Variants in AFTPH observed in about 807,000 individuals in gnomAD.
AFTPH encodes aftiphilin, also known as aftiphilin protein.
A neutral mutation model predicts 72.5 loss-of-function variants in AFTPH; 7 were observed. The ratio of observed to expected loss-of-function variants is 0.10; its 90% CI spans 0.05 to 0.18. The LOEUF (loss-of-function observed/expected upper bound fraction) is 0.18, where lower values mean the gene tolerates loss of function less well. Among genes scored for constraint, AFTPH ranks in the 10% least tolerant of loss-of-function variants. AFTPH has a pLI of 1.00. For missense variants in AFTPH, 979 were observed against 1,060.5 expected (o/e 0.92, Z 1.07); for synonymous variants, 337 against 370.1 (o/e 0.91, Z 1.03).
At chr2:64,586,822 A>G (rs1424655418) in intron 8 of AFTPH, among the ~76,000 whole-genome samples, 1 of 152,178 alleles carries the variant, frequency 6.6e-6, no homozygotes, top group Non-Finnish European at 1.5e-5. Flanking sequence ...CACTTCTTCA[A>G]ATCGAAACTC....
At chr2:64,552,405 A>G (rs765244594) in exon 2 of AFTPH, 3 of 1,614,016 alleles carry the variant, frequency 1.9e-6, no homozygotes, top group Non-Finnish European at 2.5e-6. Flanking sequence ...CAGAGGTTTC[A>G]GTGTTGAAAA....
intron 6 of AFTPH, among the ~76,000 whole-genome samples, chr2:64,578,443 A>AAAGAAAAGAAAAAAACAACCAACAT (rs1672958794): frequency 6.6e-6 from 1 of 152,220 alleles, no homozygotes. Flanking sequence ...TATTCTTAAA[A>AAAGAAAAGAAAAAAACAACCAACAT]TGAAGTGTGA....
intron 8 of AFTPH, among the ~76,000 whole-genome samples, chr2:64,586,998 C>G (rs1044936596): frequency 6.6e-6 from 1 of 152,198 alleles, no homozygotes; most frequent in East Asian, 1.9e-4. Flanking sequence ...TTTGTTTCCC[C>G]TGCAGTCTCA....
At chr2:64,564,438 G>A (rs1222765022) in intron 2 of AFTPH, among the ~76,000 whole-genome samples, 1 of 151,926 alleles carries the variant, frequency 6.6e-6, no homozygotes, top group African/African-American at 2.4e-5. Flanking sequence ...GATAGACCCT[G>A]ATATCTCCAG....
At chr2:64,590,749 G>A (rs1008465619) in intron 8 of AFTPH, among the ~76,000 whole-genome samples, 2 of 152,144 alleles carry the variant, frequency 1.3e-5, no homozygotes. Flanking sequence ...CCTAAAAGTC[G>A]TTGGATTTTT....
At chr2:64,532,731 G>GA (rs1209857476) in intron 1 of AFTPH, among the ~76,000 whole-genome samples, 3 of 152,156 alleles carry the variant, frequency 2.0e-5, no homozygotes, top group African/African-American at 7.2e-5. Flanking sequence ...GCTTGGCTAG[G>GA]CTGTAAAGAT....
rs146384076 is a variant in AFTPH at position 64,560,778 on chromosome 2, C to T, written c.1936-6784C>T. 5.8e-3 allele frequency among the ~76,000 whole-genome samples: 890 copies of T among 152,256 alleles called. 3 individuals carry two copies. Among genetic ancestry groups the T allele is most frequent in the Non-Finnish European group, 8.9e-3 (606 of 68,004 alleles). On this transcript the variant is annotated intron_variant, in intron 2 of 8. Coordinates refer to ENST00000238856, the Ensembl canonical transcript of AFTPH. ...ATTTGAGCTATTCGGGAGGCTGAGGCAGGAGAATCACTTGAACCCAGGAGA... is the reference window on the plus strand; with the variant it reads ...ATTTGAGCTATTCGGGAGGCTGAGGTAGGAGAATCACTTGAACCCAGGAGA...
intron 1 of AFTPH, among the ~76,000 whole-genome samples, chr2:64,543,074 A>AT (rs1477579006): frequency 1.3e-5 from 2 of 152,238 alleles, no homozygotes; most frequent in Non-Finnish European, 2.9e-5. Flanking sequence ...GGAGAGAATA[A>AT]TTTTAATTTT....
chr2:64,579,458 AT>A (rs1673036361), intron 6 of AFTPH, 27 bp from the exon 7 acceptor site: 2 of 1,605,778 alleles, frequency 1.2e-6, no homozygotes, highest in Non-Finnish European at 1.7e-6. Context: ...GTACTGATTA[AT>A]TTTGATTTTT....
intron 8 of AFTPH, among the ~76,000 whole-genome samples, chr2:64,586,334 T>C (rs1673504989): frequency 2.0e-5 from 3 of 152,234 alleles, no homozygotes. Context: ...AGTGGAACTA[T>C]TTACCTATTA....
At chr2:64,539,413 A>T (rs977145186) in intron 1 of AFTPH, among the ~76,000 whole-genome samples, 5 of 152,166 alleles carry the variant, frequency 3.3e-5, no homozygotes, top group African/African-American at 1.2e-4. Context: ...TGCCCCTCTT[A>T]ACATACTTTC....
intron 8 of AFTPH, among the ~76,000 whole-genome samples, chr2:64,586,524 A>AT (rs1252629297): frequency 6.6e-6 from 1 of 152,146 alleles, no homozygotes; most frequent in East Asian, 1.9e-4. Context: ...TTGAATTATC[A>AT]TATTGTCTTT....
At chr2:64,571,267 A>AC (rs79134245) in intron 5 of AFTPH, among the ~76,000 whole-genome samples, 1 of 138,836 alleles carries the variant, frequency 7.2e-6, no homozygotes, top group Non-Finnish European at 1.5e-5. Flanking sequence ...ACCGCCCCCC[A>AC]CCCCCCTGTT....
At chr2:64,575,733 GTGTGTGTGTA>G (rs1177975131) in intron 6 of AFTPH, among the ~76,000 whole-genome samples, 15 of 65,316 alleles carry the variant, frequency 2.3e-4, no homozygotes, top group African/African-American at 9.5e-4. Flanking sequence ...GTGTGTGTGT[GTGTGTGTGTA>G]TATATTTTTT....
At chr2:64,573,611 G>A (rs552601165) in intron 6 of AFTPH, among the ~76,000 whole-genome samples, 2 of 152,126 alleles carry the variant, frequency 1.3e-5, no homozygotes, top group Admixed American at 6.5e-5. Flanking sequence ...TATTTAACTC[G>A]AAAATGATGT....
intron 2 of AFTPH, among the ~76,000 whole-genome samples, chr2:64,567,072 T>A (rs547339975): frequency 2.0e-4 from 30 of 152,292 alleles, no homozygotes; most frequent in Admixed American, 3.3e-4. Context: ...CAAAAAAAGA[T>A]TGTTTAGCTA....
At position 64,551,034 on chromosome 2, in the gene AFTPH, C is replaced by T. The variant is rs2103934715; in HGVS notation, c.-32-409C>T. The stretch of plus-strand genomic sequence containing the variant: ...GATGCCTTTATTAATATAAAGAACT[C>T]ATACAAATCCATAAGGCAAGCACTG... On this transcript the variant is annotated intron_variant, in intron 1 of 8. Transcript: ENST00000238856. 2.0e-5 allele frequency among the ~76,000 whole-genome samples: 3 copies of T among 152,216 alleles called. 1 individual carries two copies. Among genetic ancestry groups the T allele is most frequent in the Admixed American group, 2.0e-4 (3 of 15,300 alleles).
intron 6 of AFTPH, chr2:64,578,999 A>G (rs1247955537): frequency 6.5e-6 from 1 of 152,728 alleles, no homozygotes; most frequent in Non-Finnish European, 1.5e-5. Context: ...CTAATAAGTA[A>G]TTTCTAAATG....
intron 7 of AFTPH, among the ~76,000 whole-genome samples, chr2:64,582,143 C>T (rs953901496): frequency 2.6e-5 from 4 of 152,132 alleles, no homozygotes; most frequent in South Asian, 2.1e-4. Context: ...GTTGGGGTGC[C>T]GTAGAGATGC....
Sources: allele counts gnomAD v4.1 joint callset (sites outside exome capture counted in the v4.1 genomes callset), GRCh38; gene constraint gnomAD v4.1.1; transcripts MANE v1.5; gene names NCBI Gene and HGNC (gene_info 2026-07-23, HGNC 2026-07-21).